The following PDZD2 variants were observed in gnomAD, a reference collection of about 807,000 sequenced individuals.
PDZD2 encodes PDZ domain containing 2.
In PDZD2, 90 loss-of-function variants were observed where a neutral mutation model predicts 220.7. The observed-to-expected ratio is 0.41, with a 90% CI of 0.34 to 0.49. The LOEUF is 0.49. Among genes scored for constraint, PDZD2 ranks in the 20% least tolerant of loss-of-function variants. The pLI is 0.28. For missense variants in PDZD2, 3,174 were observed against 3,608.5 expected (o/e 0.88, Z 3.08); for synonymous variants, 1,375 against 1,450.5 (o/e 0.95, Z 1.18).
At chr5:31,675,325 T>C (rs1202055240) in intron 1 of PDZD2, among the ~76,000 whole-genome samples, 9 of 152,042 alleles carry the variant, frequency 5.9e-5, no homozygotes, top group Admixed American at 5.9e-4. Context: ...CTGCCCTGAG[T>C]TCTGGATCTT....
chr5:31,817,963 CA>C (rs1280454388), intron 2 of PDZD2, among the ~76,000 whole-genome samples: 1 of 94,382 alleles, frequency 1.1e-5, no homozygotes, highest in Non-Finnish European at 2.1e-5. Flanking sequence ...TGCACCTGGC[CA>C]ATTTTTTTTT....
chr5:31,938,689 T>TA (rs1178088988), intron 2 of PDZD2, among the ~76,000 whole-genome samples: 1 of 152,030 alleles, frequency 6.6e-6, no homozygotes, highest in East Asian at 1.9e-4. Flanking sequence ...TTTGCAATTA[T>TA]AAAAAAAAGA....
chr5:32,013,102 T>C (rs1753454300), intron 6 of PDZD2, among the ~76,000 whole-genome samples: 1 of 152,116 alleles, frequency 6.6e-6, no homozygotes. Context: ...ATTGACCTTA[T>C]ATTAACATGC....
At chr5:31,980,601 T>C (rs961032506) in intron 2 of PDZD2, among the ~76,000 whole-genome samples, 1 of 152,222 alleles carries the variant, frequency 6.6e-6, no homozygotes, top group African/African-American at 2.4e-5. Context: ...ATTTAAATAG[T>C]AGTGCTTTTC....
chr5:31,816,908 G>A (rs1755494682), intron 2 of PDZD2, among the ~76,000 whole-genome samples: 2 of 152,260 alleles, frequency 1.3e-5, no homozygotes, highest in South Asian at 4.1e-4. Flanking sequence ...TCCAGGCTGG[G>A]CGCCATGGCT....
Position 31,804,431 on chromosome 5 carries a change from A to T in PDZD2, c.476+4707A>T, listed in dbSNP as rs572512449. Among the ~76,000 whole-genome samples the T allele has an allele frequency of 2.0e-5, 3 of 152,344 alleles. No homozygotes were observed. The South Asian group carries it at 6.2e-4, about 32-fold the overall frequency. The stretch of plus-strand genomic sequence containing the variant: ...CACTCCCTACTTCTCTTGAATAATT[A>T]CAAGAAGTACCATTTATTGAGCAGT... On this transcript the variant is annotated intron_variant, in intron 2 of 24. Transcript: ENST00000438447.
At chr5:31,899,559 G>A (rs1741897815) in intron 2 of PDZD2, among the ~76,000 whole-genome samples, 1 of 152,162 alleles carries the variant, frequency 6.6e-6, no homozygotes, top group African/African-American at 2.4e-5. Flanking sequence ...TCAAGGATGT[G>A]GTGTCCCATC....
intron 2 of PDZD2, among the ~76,000 whole-genome samples, chr5:31,922,377 A>C (rs1014446897): frequency 6.6e-6 from 1 of 152,204 alleles, no homozygotes; most frequent in Non-Finnish European, 1.5e-5. Flanking sequence ...AATCTTCCCC[A>C]CTTGAATAAG....
chr5:32,035,982 C>T (rs558063362), intron 6 of PDZD2, among the ~76,000 whole-genome samples: 3 of 152,122 alleles, frequency 2.0e-5, no homozygotes, highest in South Asian at 4.1e-4. Context: ...CTCGCTCTGT[C>T]GCCCAGGCTG....
At chr5:32,103,638 A>T (rs950159113) in intron 24 of PDZD2, 2 of 152,202 alleles carry the variant, frequency 1.3e-5, no homozygotes, top group Admixed American at 6.5e-5. Flanking sequence ...GGTAGCTAAA[A>T]TGGAGGTATT....
intron 1 of PDZD2, among the ~76,000 whole-genome samples, chr5:31,708,026 GTAACA>G (rs1341461492): frequency 6.6e-6 from 1 of 152,182 alleles, no homozygotes; most frequent in Non-Finnish European, 1.5e-5. Flanking sequence ...CACCTTGATA[GTAACA>G]GCAGCTCCCG....
At chr5:31,791,579 A>C (rs1177802883) in intron 1 of PDZD2, among the ~76,000 whole-genome samples, 1 of 141,110 alleles carries the variant, frequency 7.1e-6, no homozygotes, top group Non-Finnish European at 1.5e-5. Flanking sequence ...AACAAGAGAG[A>C]AACTCCGTCT....
At chr5:31,829,128 A>G (rs1580840567) in intron 2 of PDZD2, among the ~76,000 whole-genome samples, 1 of 152,288 alleles carries the variant, frequency 6.6e-6, no homozygotes, top group Non-Finnish European at 1.5e-5. Context: ...AGTGGCTGCT[A>G]GTGATGTTTC....
intron 23 of PDZD2, 58 bp from the exon 24 acceptor site, chr5:32,101,047 A>T: frequency 1.2e-6 from 2 of 1,609,434 alleles, no homozygotes; most frequent in Non-Finnish European, 1.7e-6. Flanking sequence ...GGGGACTTGG[A>T]CATGTGGCAT....
At chr5:32,025,067 C>T (rs561285887) in intron 6 of PDZD2, among the ~76,000 whole-genome samples, 49 of 152,302 alleles carry the variant, frequency 3.2e-4, no homozygotes, top group African/African-American at 1.1e-3. Flanking sequence ...AACAGATTAT[C>T]TTAAAGAAGC....
chr5:32,100,621 G>A, intron 23 of PDZD2: 1 of 349,576 alleles, frequency 2.9e-6, no homozygotes, highest in Admixed American at 3.9e-5. Context: ...TGGGGGCTTT[G>A]GAGTCCATTC....
intron 1 of PDZD2, among the ~76,000 whole-genome samples, chr5:31,662,097 G>A (rs1187710664): frequency 1.3e-5 from 2 of 152,028 alleles, no homozygotes; most frequent in Non-Finnish European, 2.9e-5. Context: ...GATCACCTGA[G>A]GTTAGGAGTT....
chr5:32,072,218 C>T lies in PDZD2; in HGVS notation c.2626C>T (p.Pro876Ser), dbSNP rs1298063224. The part of the protein sequence containing the change: ...SQYFAHDVPG[P>S]LSDFMVAGSE... ...GTACTTTGCCCACGATGTCCCTGGC[C>T]CCTTGTCAGACTTCATGGTGGCCGG... Residue 876 changes from proline (P) to serine (S), a missense_variant, in exon 17 of 25, where the codon CCC becomes TCC. Pro to Ser is a moderately conservative substitution (Grantham distance 74, BLOSUM62 -1). Transcript: ENST00000438447. The T allele has an allele frequency of 7.4e-6, 12 of 1,613,410 alleles. No individual in the cohort carries two copies. Among genetic ancestry groups the T allele is most frequent in the African/African-American group, 1.3e-5 (1 of 74,884 alleles).
At chr5:32,033,422 AAC>A (rs1482845707) in intron 6 of PDZD2, among the ~76,000 whole-genome samples, 15 of 152,194 alleles carry the variant, frequency 9.9e-5, no homozygotes, top group Non-Finnish European at 1.5e-4. Context: ...TCAACGAAAA[AAC>A]AGTTTTTTGT....
Sources: gnomAD v4.1 joint callset for allele counts (sites outside exome capture counted in the v4.1 genomes callset) on GRCh38, gnomAD v4.1.1 for gene constraint, MANE v1.5 for transcripts, NCBI Gene and HGNC (gene_info 2026-07-23, HGNC 2026-07-21) for gene names.